The following SLC5A4 variants were observed in gnomAD, a reference collection of about 807,000 sequenced individuals.
SLC5A4 encodes the protein probable glucose sensor protein SLC5A4.
SLC5A4 carries 55 observed loss-of-function variants against 70.3 expected under a neutral mutation model. The ratio of observed to expected loss-of-function variants is 0.78; its 90% confidence interval spans 0.63 to 0.98. The LOEUF is 0.98. Ranked by LOEUF, SLC5A4 falls within the 50% of genes least tolerant of loss-of-function variation. The probability of loss-of-function intolerance (pLI) is 0.00; values close to 1 mark genes in which losing one functional copy is unlikely to be tolerated. For missense variants in SLC5A4, 735 were observed against 839.2 expected (o/e 0.88, Z 1.53); for synonymous variants, 268 against 305.7 (o/e 0.88, Z 1.29).
chr22:32,245,174 A>C (rs894701298), intron 5 of SLC5A4, among the ~76,000 whole-genome samples: 3 of 152,198 alleles, frequency 2.0e-5, no homozygotes, highest in Admixed American at 2.0e-4. Flanking sequence ...TCTCATAACG[A>C]TCTGTTTAAT....
At chr22:32,256,737 T>C (rs1927509088), upstream of SLC5A4, among the ~76,000 whole-genome samples, 1 of 152,230 alleles carries the variant, frequency 6.6e-6, no homozygotes, top group Non-Finnish European at 1.5e-5. Context: ...TATTGTAGCA[T>C]GTATCAGAAT....
the SLC5A4 span, among the ~76,000 whole-genome samples, chr22:32,316,561 A>C: frequency 6.6e-6 from 1 of 152,008 alleles, no homozygotes; most frequent in East Asian, 1.9e-4. Context: ...ACAGAGTCTC[A>C]CTCTGTTGCC....
At chr22:32,326,408 C>T in the SLC5A4 span, among the ~76,000 whole-genome samples, 1 of 152,010 alleles carries the variant, frequency 6.6e-6, no homozygotes, top group South Asian at 2.1e-4. Flanking sequence ...AGGCACCCAA[C>T]ACCATGCCCA....
At chr22:32,326,362 T>TTC in the SLC5A4 span, among the ~76,000 whole-genome samples, 6 of 151,734 alleles carry the variant, frequency 4.0e-5, no homozygotes, top group South Asian at 2.1e-4. Context: ...GTTCAAGCGA[T>TTC]TCTCCTGCCT....
At chr22:32,269,191 G>A in the SLC5A4 span, among the ~76,000 whole-genome samples, 1 of 152,102 alleles carries the variant, frequency 6.6e-6, no homozygotes, top group African/African-American at 2.4e-5. The surrounding 1 kb of genome is among the most constrained non-coding windows in gnomAD (Gnocchi z 4.1). Flanking sequence ...ACGAGCGGCT[G>A]CATGTTTTTT....
chr22:32,316,576 C>CACTCATACCA, the SLC5A4 span, among the ~76,000 whole-genome samples: 1 of 152,008 alleles, frequency 6.6e-6, no homozygotes, highest in Non-Finnish European at 1.5e-5. Context: ...GTTGCCCAGG[C>CACTCATACCA]TGGAGTGCAA....
the SLC5A4 span, among the ~76,000 whole-genome samples, chr22:32,305,149 G>A: frequency 6.6e-6 from 1 of 151,758 alleles, no homozygotes; most frequent in African/African-American, 2.4e-5. Context: ...CTTAATTTGG[G>A]TTATTATGTA....
chr22:32,256,935 G>A (rs984674638), upstream of SLC5A4, among the ~76,000 whole-genome samples: 1 of 152,180 alleles, frequency 6.6e-6, no homozygotes, highest in African/African-American at 2.4e-5. Context: ...TCTATATGTA[G>A]AAGTGGAATT....
chr22:32,224,549 T>G, intron 12 of SLC5A4, 67 bp from the exon 13 acceptor site: 3 of 1,271,554 alleles, frequency 2.4e-6, no homozygotes, highest in Admixed American at 1.8e-5. Flanking sequence ...AAGTAAGTCA[T>G]CATTATAATC....
chr22:32,239,742 C>T (rs1173301475), intron 5 of SLC5A4, among the ~76,000 whole-genome samples: 4 of 146,334 alleles, frequency 2.7e-5, no homozygotes, highest in South Asian at 4.3e-4. Flanking sequence ...ATGTACCAAA[C>T]GGCCGGGTGC....
chr22:32,284,663 T>C, the SLC5A4 span: 2 of 152,206 alleles, frequency 1.3e-5, no homozygotes, highest in Admixed American at 6.5e-5. Context: ...CATATTCTAT[T>C]GATCACAATG....
chr22:32,314,465 T>C, the SLC5A4 span, among the ~76,000 whole-genome samples: 32 of 152,316 alleles, frequency 2.1e-4, no homozygotes, highest in African/African-American at 4.6e-4. Flanking sequence ...CAATGAACCA[T>C]CTTTCAAATA....
intron 11 of SLC5A4, among the ~76,000 whole-genome samples, chr22:32,228,868 T>C (rs970505970): frequency 6.6e-6 from 1 of 152,162 alleles, no homozygotes; most frequent in African/African-American, 2.4e-5. Flanking sequence ...CATTCACCTA[T>C]CAGAGTAGGT....
chr22:32,307,559 G>A, the SLC5A4 span, among the ~76,000 whole-genome samples: 2 of 152,192 alleles, frequency 1.3e-5, no homozygotes, highest in Non-Finnish European at 2.9e-5. Flanking sequence ...CCATGTCATT[G>A]AATGGGTTTT....
At position 32,224,439 on chromosome 22, in the gene SLC5A4, A is replaced by G. The variant is rs1019145118; in HGVS notation, c.1493T>C (p.Ile498Thr). Residue 498 changes from isoleucine to threonine, a missense_variant, in exon 13 of 15, where the codon ATT (isoleucine) becomes ACT (threonine). Ile to Thr is a moderately conservative substitution (Grantham distance 89). Coordinates refer to ENST00000266086, the MANE Select transcript of SLC5A4 (RefSeq NM_014227.3). ...ATAAGCAAACTCTGTTATCATACGA[A>G]TGAGGCCCATTGCAAGTCCAACCAT... ...GLMVGLAMGL[I>T]RMITEFAYGT... 1 of 1,614,132 alleles carries G rather than the reference A, an allele frequency of 6.2e-7. No homozygotes were observed. The highest frequency in any genetic ancestry group is 8.5e-7 in the Non-Finnish European group (1 of 1,180,000).
At chr22:32,337,698 G>T in the SLC5A4 span, among the ~76,000 whole-genome samples, 1 of 151,994 alleles carries the variant, frequency 6.6e-6, no homozygotes, top group Non-Finnish European at 1.5e-5. Context: ...TCTCCAGAGG[G>T]AGAAAACTCT....
the SLC5A4 span, among the ~76,000 whole-genome samples, chr22:32,354,423 G>A: frequency 6.7e-6 from 1 of 149,374 alleles, no homozygotes. Flanking sequence ...AATGCCCCCA[G>A]CCAGCTTCTA....
the SLC5A4 span, among the ~76,000 whole-genome samples, chr22:32,261,996 G>A: frequency 6.6e-6 from 1 of 152,132 alleles, no homozygotes; most frequent in Non-Finnish European, 1.5e-5. Flanking sequence ...TGTTGCAAAT[G>A]ACATGATCTC....
the SLC5A4 span, among the ~76,000 whole-genome samples, chr22:32,274,041 ATTT>A: frequency 2.2e-5 from 3 of 139,102 alleles, no homozygotes; most frequent in Non-Finnish European, 1.5e-5. Flanking sequence ...TTGATATTCT[ATTT>A]TTTTTTTTTT....
Sources: gnomAD v4.1 joint callset for allele counts (sites outside exome capture counted in the v4.1 genomes callset) on GRCh38, gnomAD v4.1.1 for gene constraint, Gnocchi (gnomAD v3.1) non-coding constraint, MANE v1.5 for transcripts, NCBI Gene and HGNC (gene_info 2026-07-23, HGNC 2026-07-21) for gene names.